The following PPM1E variants were observed in gnomAD, a reference collection of about 807,000 sequenced individuals.
The protein encoded by PPM1E is protein phosphatase 1E.
Under a neutral mutation model 65.9 loss-of-function variants are expected in PPM1E, and 20 were observed. The ratio of observed to expected loss-of-function variants is 0.30; its 90% CI spans 0.21 to 0.44. The LOEUF (loss-of-function observed/expected upper bound fraction) is 0.44, where lower values mean the gene tolerates loss of function less well. Among genes scored for constraint, PPM1E ranks in the 20% least tolerant of loss-of-function variants. The pLI is 1.00. For missense variants in PPM1E, 713 were observed against 953.1 expected, an observed-to-expected ratio of 0.75 and a Z score of 3.32; for synonymous variants, 352 against 374.9, an observed-to-expected ratio of 0.94 and a Z score of 0.70.
At chr17:58,810,981 C>CCGAGTAGGTGGGATTACAGG (rs1451535856) in intron 1 of PPM1E, among the ~76,000 whole-genome samples, 1 of 152,038 alleles carries the variant, frequency 6.6e-6, no homozygotes, top group Non-Finnish European at 1.5e-5. Flanking sequence ...CTTCAGCCTC[C>CCGAGTAGGTGGGATTACAGG]CGAGTAGGTG....
At chr17:58,933,803 A>G (rs1375034749) in intron 1 of PPM1E, among the ~76,000 whole-genome samples, 2 of 151,420 alleles carry the variant, frequency 1.3e-5, no homozygotes, top group African/African-American at 4.9e-5. Flanking sequence ...TCAAAAGAAA[A>G]AAAAAAAAAA....
chr17:58,894,114 A>T (rs1447095166), intron 1 of PPM1E, among the ~76,000 whole-genome samples: 4 of 151,788 alleles, frequency 2.6e-5, no homozygotes, highest in Non-Finnish European at 5.9e-5. Flanking sequence ...ACAAAAATAA[A>T]GTCTATGTAT....
chr17:58,883,023 C>T (rs1466671314), intron 1 of PPM1E, among the ~76,000 whole-genome samples: 7 of 137,086 alleles, frequency 5.1e-5, no homozygotes, highest in Non-Finnish European at 9.2e-5. Context: ...GGTGTGATCT[C>T]GGCTCACTGC....
intron 1 of PPM1E, among the ~76,000 whole-genome samples, chr17:58,909,266 A>C (rs1001799154): frequency 6.6e-6 from 1 of 151,868 alleles, no homozygotes; most frequent in Non-Finnish European, 1.5e-5. Context: ...CACCCCGCCA[A>C]CCCCACACTG....
At chr17:58,938,976 G>A (rs2052023606) in intron 1 of PPM1E, among the ~76,000 whole-genome samples, 1 of 151,650 alleles carries the variant, frequency 6.6e-6, no homozygotes, top group Middle Eastern at 3.2e-3. Flanking sequence ...TTAGTAAAGA[G>A]GGGGTTTCAC....
chr17:58,919,219 A>T (rs532496518), intron 1 of PPM1E, among the ~76,000 whole-genome samples: 5 of 152,356 alleles, frequency 3.3e-5, no homozygotes, highest in African/African-American at 1.2e-4. Flanking sequence ...GAAGAAAACC[A>T]TAAGAGAAAT....
intron 1 of PPM1E, among the ~76,000 whole-genome samples, chr17:58,861,489 A>G: frequency 6.6e-6 from 1 of 152,186 alleles, no homozygotes; most frequent in East Asian, 1.9e-4. Context: ...CTGGCTTGAG[A>G]TGAAGTCCAG....
chr17:58,927,304 A>AT (rs542629506), intron 1 of PPM1E, among the ~76,000 whole-genome samples: 11 of 149,586 alleles, frequency 7.4e-5, no homozygotes, highest in South Asian at 2.1e-4. Context: ...TTTTTTTTGT[A>AT]TTTTTTTTAG....
At chr17:58,798,151 T>C (rs1352424806) in intron 1 of PPM1E, among the ~76,000 whole-genome samples, 2 of 152,144 alleles carry the variant, frequency 1.3e-5, no homozygotes, top group Non-Finnish European at 2.9e-5. Context: ...TAGGAGTTCC[T>C]AACACATTCT....
At chr17:58,930,521 A>G (rs2051880785) in intron 1 of PPM1E, among the ~76,000 whole-genome samples, 1 of 152,172 alleles carries the variant, frequency 6.6e-6, no homozygotes, top group South Asian at 2.1e-4. Flanking sequence ...GTTGTAATAA[A>G]ATACATTGCC....
At chr17:58,758,297 G>A (rs185270544) in intron 1 of PPM1E, among the ~76,000 whole-genome samples, 125 of 152,078 alleles carry the variant, frequency 8.2e-4, no homozygotes, top group African/African-American at 2.8e-3. Flanking sequence ...TTGGGAGGCC[G>A]GGGTGGCAGA....
chr17:58,875,806 G>A (rs1161817414), intron 1 of PPM1E, among the ~76,000 whole-genome samples: 1 of 151,964 alleles, frequency 6.6e-6, no homozygotes, highest in East Asian at 1.9e-4. Context: ...GCAGGAAAGG[G>A]GGAAAACACA....
rs572354650 is a variant in PPM1E at position 58,756,200 on chromosome 17, A to C, written c.203A>C (p.Glu68Ala). The change falls in exon 1 of 7, where the codon GAG becomes GCG. Residue 68 changes from glutamate (E) to alanine (A), a missense_variant. Physicochemically the swap from Glu to Ala is moderately radical, Grantham distance 107. Coordinates refer to ENST00000308249, the MANE Select transcript of PPM1E (RefSeq NM_014906.5). ...AAEASVEEPG[E>A]EAATVAATEE... ...GAGGCTTCGGTAGAGGAACCCGGGGAGGAGGCGGCCACGGTAGCCGCGACG... is the reference window on the plus strand; with the variant it reads ...GAGGCTTCGGTAGAGGAACCCGGGGCGGAGGCGGCCACGGTAGCCGCGACG... 5 of 1,559,932 alleles carry C rather than the reference A, an allele frequency of 3.2e-6. No homozygotes were observed. The South Asian group carries it at 5.9e-5, about 18-fold the overall frequency.
At chr17:58,788,200 G>A (rs954688229) in intron 1 of PPM1E, among the ~76,000 whole-genome samples, 1 of 151,824 alleles carries the variant, frequency 6.6e-6, no homozygotes, top group African/African-American at 2.4e-5. Flanking sequence ...ACAGGCGCTC[G>A]GCACCACACC....
intron 1 of PPM1E, among the ~76,000 whole-genome samples, chr17:58,838,754 C>A (rs1408476543): frequency 3.3e-5 from 5 of 152,204 alleles, no homozygotes; most frequent in Admixed American, 3.3e-4. Flanking sequence ...TTATTCATAA[C>A]TGCCCCCAAA....
intron 1 of PPM1E, among the ~76,000 whole-genome samples, chr17:58,863,388 C>T (rs569256599): frequency 2.6e-5 from 4 of 152,216 alleles, no homozygotes; most frequent in Non-Finnish European, 5.9e-5. Context: ...AACGAGCCGG[C>T]CACTTCTCTC....
intron 1 of PPM1E, among the ~76,000 whole-genome samples, chr17:58,936,403 T>C (rs1036107187): frequency 1.3e-5 from 2 of 152,156 alleles, no homozygotes; most frequent in African/African-American, 4.8e-5. Flanking sequence ...CATCATAATA[T>C]GTGGGCTGAG....
At chr17:58,960,573 G>A (rs1237474631) in intron 2 of PPM1E, among the ~76,000 whole-genome samples, 4 of 151,986 alleles carry the variant, frequency 2.6e-5, no homozygotes, top group Non-Finnish European at 5.9e-5. Flanking sequence ...TCAGGAGCTC[G>A]AGACCAGTCT....
Position 58,902,723 on chromosome 17 carries a change from A to G in PPM1E, c.465-52926A>G, listed in dbSNP as rs143953562. Among the ~76,000 whole-genome samples the G allele has an allele frequency of 8.5e-5, 13 of 152,282 alleles. No homozygotes were observed. In the East Asian group the frequency reaches 9.6e-4, roughly 11 times the overall value. On this transcript the variant is annotated intron_variant, in intron 1 of 6. Transcript: ENST00000308249. ...AACTGCCATCATTGTTTTGCTTCCA[A>G]AGAAAAACAGTCTTTCAAAATGCAG... is the stretch of plus-strand genomic sequence containing the variant.
Sources: gnomAD v4.1 joint callset for allele counts (sites outside exome capture counted in the v4.1 genomes callset) on GRCh38, gnomAD v4.1.1 for gene constraint, MANE v1.5 for transcripts, NCBI Gene and HGNC (gene_info 2026-07-23, HGNC 2026-07-21) for gene names.